Variants in DIS3L2 observed in about 807,000 individuals in gnomAD.
DIS3L2 encodes DIS3 like 3'-5' exoribonuclease 2, also known as DIS3-like exonuclease 2.
Under a neutral mutation model 97.5 loss-of-function variants are expected in DIS3L2, and 34 were observed. That is an observed-to-expected ratio of 0.35 (90% CI 0.27 to 0.46). The LOEUF is 0.46. DIS3L2 is among the 20% of genes least tolerant of loss of function. The pLI is 1.00. For missense variants in DIS3L2, 1,038 were observed against 1,146.0 expected (o/e 0.91, Z 1.36); for synonymous variants, 435 against 445.2 (o/e 0.98, Z 0.29).
chr2:232,319,817 C>T (rs911728873), intron 14 of DIS3L2, among the ~76,000 whole-genome samples: 6 of 152,224 alleles, frequency 3.9e-5, no homozygotes, highest in Non-Finnish European at 7.3e-5. Flanking sequence ...CTCAGGGAAG[C>T]AGAGCCCTCA....
intron 9 of DIS3L2, among the ~76,000 whole-genome samples, chr2:232,197,221 T>C (rs1310100330): frequency 6.6e-6 from 1 of 152,224 alleles, no homozygotes; most frequent in Non-Finnish European, 1.5e-5. Context: ...TTTAAATCCA[T>C]TAAATGCTGT....
At chr2:232,221,658 G>C (rs544355118) in intron 10 of DIS3L2, among the ~76,000 whole-genome samples, 1 of 152,004 alleles carries the variant, frequency 6.6e-6, no homozygotes, top group Non-Finnish European at 1.5e-5. Flanking sequence ...ACAAAAATTA[G>C]CTGGGCATGG....
At chr2:232,214,659 G>A (rs1252691444) in intron 10 of DIS3L2, among the ~76,000 whole-genome samples, 3 of 152,150 alleles carry the variant, frequency 2.0e-5, no homozygotes, top group Admixed American at 2.0e-4. Context: ...GCGCCTCCCT[G>A]GCTATCAGGG....
chr2:232,161,938 AATTTTTGT>A (rs1690665802), intron 8 of DIS3L2, among the ~76,000 whole-genome samples: 2 of 151,630 alleles, frequency 1.3e-5, no homozygotes, highest in Admixed American at 1.3e-4. Flanking sequence ...ACGCCCAGCT[AATTTTTGT>A]ATTTTTGATA....
At chr2:232,077,575 G>T (rs1696230724) in intron 5 of DIS3L2, among the ~76,000 whole-genome samples, 1 of 152,142 alleles carries the variant, frequency 6.6e-6, no homozygotes, top group African/African-American at 2.4e-5. Context: ...ATCCCACCCT[G>T]TTCATGGAAA....
At chr2:231,964,557 A>G (rs1205556394) in intron 1 of DIS3L2, among the ~76,000 whole-genome samples, 1 of 152,208 alleles carries the variant, frequency 6.6e-6, no homozygotes, top group Non-Finnish European at 1.5e-5. Context: ...TTATTTGAAC[A>G]TGGTTGGATA....
intron 7 of DIS3L2, chr2:232,131,026 A>G: frequency 3.4e-6 from 1 of 294,628 alleles, no homozygotes; most frequent in Non-Finnish European, 6.2e-6. Flanking sequence ...GTTTTGGTGG[A>G]GTGAGAATTT....
rs531756954 is a variant in DIS3L2 at position 232,094,750 on chromosome 2, A to C, written c.601+7029A>C. Among the ~76,000 whole-genome samples the C allele has an allele frequency of 1.1e-4, 17 of 151,382 alleles. No homozygotes were observed. The East Asian group carries it at 1.7e-3, about 16-fold the overall frequency. On this transcript the variant is annotated intron_variant, in intron 6 of 20. Coordinates refer to ENST00000325385, the MANE Select transcript of DIS3L2 (RefSeq NM_152383.5). ...AAAAAAAAAAAGAAAGAAAAGAAAGAAAGCTCCAGCTGTTATTATATTGGG... is the reference window on the plus strand; with the variant it reads ...AAAAAAAAAAAGAAAGAAAAGAAAGCAAGCTCCAGCTGTTATTATATTGGG...
intron 5 of DIS3L2, among the ~76,000 whole-genome samples, chr2:232,031,308 A>G (rs1032875616): frequency 3.3e-5 from 5 of 152,148 alleles, no homozygotes; most frequent in African/African-American, 1.2e-4. Flanking sequence ...AGCTAAAGTA[A>G]TTGAGTTATA....
chr2:232,209,510 C>A (rs1692129270), intron 9 of DIS3L2, among the ~76,000 whole-genome samples: 1 of 152,220 alleles, frequency 6.6e-6, no homozygotes, highest in East Asian at 1.9e-4. Flanking sequence ...GAGGAAGAAC[C>A]TAGGAAGCAG....
At chr2:231,970,689 C>T (rs984121566) in intron 1 of DIS3L2, among the ~76,000 whole-genome samples, 12 of 152,222 alleles carry the variant, frequency 7.9e-5, no homozygotes, top group Non-Finnish European at 7.3e-5. Flanking sequence ...GAGGACATTA[C>T]TGTGCACTAC....
At chr2:232,085,589 T>G (rs1696551618) in intron 5 of DIS3L2, among the ~76,000 whole-genome samples, 1 of 152,194 alleles carries the variant, frequency 6.6e-6, no homozygotes, top group South Asian at 2.1e-4. Flanking sequence ...AGAAATAGAT[T>G]ATTAAAAAGG....
intron 9 of DIS3L2, among the ~76,000 whole-genome samples, chr2:232,176,978 C>T (rs1367847178): frequency 7.0e-6 from 1 of 142,442 alleles, no homozygotes; most frequent in Non-Finnish European, 1.5e-5. Flanking sequence ...ACCACAGTCA[C>T]CAGAGTGTGA....
Position 231,993,855 on chromosome 2 carries a change from A to G in DIS3L2, c.-93-20980A>G, listed in dbSNP as rs139088996. Among the ~76,000 whole-genome samples the G allele has an allele frequency of 1.8e-4, 27 of 150,930 alleles. No individual in the cohort carries two copies. The East Asian group carries it at 4.9e-3, about 27-fold the overall frequency. On this transcript the variant is annotated intron_variant, in intron 1 of 20. Coordinates refer to ENST00000325385, the MANE Select transcript of DIS3L2 (RefSeq NM_152383.5). Reference sequence around the variant, plus strand: ...TTGTTGAATAAGTTGTCATTCATCTATGTCAATGACAGGTTCTAGAAATGA... The same window carrying G: ...TTGTTGAATAAGTTGTCATTCATCTGTGTCAATGACAGGTTCTAGAAATGA...
rs567352901 is a variant in DIS3L2, at chr2:232,271,070, G to A, written c.1659+7630G>A. ...GCTCAATGTGTCACAGACACTTCTC[G>A]TTGTGTTACTTATTTTAAAAAGTAC... On this transcript the variant is annotated intron_variant, in intron 13 of 20. Transcript: ENST00000325385. Among the ~76,000 whole-genome samples, 6 of 152,154 alleles carry A rather than the reference G, an allele frequency of 3.9e-5. No homozygotes were observed. In the East Asian group the frequency reaches 5.8e-4, roughly 15 times the overall value.
At chr2:232,264,650 G>A (rs753851730) in intron 13 of DIS3L2, among the ~76,000 whole-genome samples, 11 of 152,208 alleles carry the variant, frequency 7.2e-5, no homozygotes, top group Admixed American at 1.3e-4. Context: ...TCACCAGACC[G>A]CCTCATGCAG....
Position 232,281,631 on chromosome 2 carries a change from G to A in DIS3L2, c.1659+18191G>A, listed in dbSNP as rs139623105. The stretch of plus-strand genomic sequence containing the variant: ...TGACAGGAGGGAACAGATGAGAGAA[G>A]TGGAATCAGAACCACAAAAGGGAGG... On this transcript the variant is annotated intron_variant, in intron 13 of 20. Transcript: ENST00000325385. This position sits in a 1 kb window ranked among gnomAD's most constrained non-coding sequence, Gnocchi z 4.1. Among the ~76,000 whole-genome samples the A allele has an allele frequency of 8.5e-3, 1,287 of 152,184 alleles. 24 individuals are homozygous for A. The highest frequency in any genetic ancestry group is 0.048 in the Admixed American group (741 of 15,288).
intron 9 of DIS3L2, among the ~76,000 whole-genome samples, chr2:232,195,551 CGGTGGGGTGG>C (rs1384064213): frequency 1.2e-3 from 3 of 2,550 alleles, no homozygotes; most frequent in African/African-American, 1.9e-3. Context: ...GGGTGGGGTG[CGGTGGGGTGG>C]GGTGGGGTAG....
rs1235009717 is a variant in DIS3L2 at position 232,335,497 on chromosome 2, C to T, written c.2395-276C>T. 13 of 472,728 alleles carry T rather than the reference C, an allele frequency of 2.8e-5. 1 individual carries two copies. The highest frequency in any genetic ancestry group is 2.1e-4 in the South Asian group (8 of 37,226). 29.3% of individuals were successfully genotyped at this position (472,728 alleles called of 1,614,324 possible). ...CGCCGCCACAGTTCTCTGTCCCCAC[C>T]TCAGTGCAGTCAGCCCTGGACCCCC... On this transcript the variant is annotated intron_variant, in intron 19 of 20. Transcript: ENST00000325385.
Sources: gnomAD v4.1 joint callset for allele counts (sites outside exome capture counted in the v4.1 genomes callset) on GRCh38, gnomAD v4.1.1 for gene constraint, Gnocchi (gnomAD v3.1) non-coding constraint, MANE v1.5 for transcripts, NCBI Gene and HGNC (gene_info 2026-07-23, HGNC 2026-07-21) for gene names.